The following GRIA4 variants were observed in gnomAD, a reference collection of about 807,000 sequenced individuals.
GRIA4 encodes the protein glutamate receptor 4.
GRIA4 carries 34 observed loss-of-function variants against 104.0 expected under a neutral mutation model. The observed-to-expected ratio is 0.33, with a 90% CI of 0.25 to 0.44. The LOEUF (loss-of-function observed/expected upper bound fraction) is 0.44, where lower values mean the gene tolerates loss of function less well. GRIA4 is among the 20% of genes least tolerant of loss of function. GRIA4 has a pLI of 1.00. For missense variants in GRIA4, 750 were observed against 1,096.5 expected (o/e 0.68, Z 4.46); for synonymous variants, 386 against 381.9 (o/e 1.01, Z -0.13).
chr11:105,920,186 G>C (rs1383428009), intron 11 of GRIA4, among the ~76,000 whole-genome samples: 1 of 152,012 alleles, frequency 6.6e-6, no homozygotes, highest in Non-Finnish European at 1.5e-5. Flanking sequence ...AAGAATTGCT[G>C]ACTGCTTAGG....
intron 3 of GRIA4, among the ~76,000 whole-genome samples, chr11:105,615,125 G>C (rs77698121): frequency 6.6e-6 from 1 of 151,844 alleles, no homozygotes; most frequent in Admixed American, 6.6e-5. Context: ...GATCTGATCT[G>C]TCTGTGAATA....
chr11:105,619,934 T>A (rs774755420), intron 3 of GRIA4, among the ~76,000 whole-genome samples: 1 of 151,910 alleles, frequency 6.6e-6, no homozygotes, highest in South Asian at 2.1e-4. Context: ...TTCCTTAACA[T>A]AGAAAATAAT....
Position 105,751,678 on chromosome 11 carries a change from G to C in GRIA4, c.248-1303G>C, listed in dbSNP as rs1940007832. Reference sequence around the variant, plus strand: ...TCTGAATACCTCCTTTCTTGGTTTTGAATCAACTGTAGTATTTTATTCACT... The same window carrying C: ...TCTGAATACCTCCTTTCTTGGTTTTCAATCAACTGTAGTATTTTATTCACT... On this transcript the variant is annotated intron_variant, in intron 3 of 16. Transcript: ENST00000282499. 3.9e-5 allele frequency among the ~76,000 whole-genome samples: 6 copies of C among 152,062 alleles called. No homozygotes were observed. In the South Asian group the frequency reaches 1.2e-3, roughly 32 times the overall value.
At chr11:105,815,066 G>A (rs1943323056) in intron 4 of GRIA4, among the ~76,000 whole-genome samples, 3 of 152,262 alleles carry the variant, frequency 2.0e-5, no homozygotes, top group African/African-American at 4.8e-5. Context: ...ATGCAGATAA[G>A]TTGAGTCTAG....
chr11:105,801,968 T>C (rs759189696), intron 4 of GRIA4, among the ~76,000 whole-genome samples: 1 of 152,066 alleles, frequency 6.6e-6, no homozygotes, highest in African/African-American at 2.4e-5. Context: ...AAGGCCAGCA[T>C]CTGGGATGCC....
chr11:105,731,488 A>G (rs573795755), intron 3 of GRIA4, among the ~76,000 whole-genome samples: 8 of 152,318 alleles, frequency 5.3e-5, no homozygotes, highest in African/African-American at 1.7e-4. Flanking sequence ...AGGAACTAGA[A>G]CTACAAATAC....
chr11:105,821,586 A>T (rs921606799), intron 4 of GRIA4, among the ~76,000 whole-genome samples: 1 of 151,992 alleles, frequency 6.6e-6, no homozygotes, highest in Non-Finnish European at 1.5e-5. Context: ...CCACCAGATC[A>T]TGTGAGAACT....
intron 3 of GRIA4, among the ~76,000 whole-genome samples, chr11:105,643,371 A>G (rs142851569): frequency 6.6e-6 from 1 of 152,136 alleles, no homozygotes; most frequent in East Asian, 1.9e-4. Context: ...ATTCCTTAAC[A>G]TTGTTTTACT....
Position 105,932,148 on chromosome 11 carries a change from C to CT in GRIA4, c.2047-1565dup, listed in dbSNP as rs562938424. 5.9e-3 allele frequency among the ~76,000 whole-genome samples: 878 copies of CT among 148,418 alleles called. 11 individuals carry two copies. The highest frequency in any genetic ancestry group is 0.021 in the African/African-American group (840 of 40,492). On this transcript the variant is annotated intron_variant, in intron 13 of 16. Transcript: ENST00000282499. ...ATTCAGGCTTTTCTTTTCTTTTTTTCTTTTTTTTTAGATGGAGTCTCACTT... is the reference window on the plus strand; with the variant it reads ...ATTCAGGCTTTTCTTTTCTTTTTTTCTTTTTTTTTTAGATGGAGTCTCACTT...
intron 3 of GRIA4, among the ~76,000 whole-genome samples, chr11:105,625,343 A>T (rs1950860123): frequency 6.6e-6 from 1 of 152,122 alleles, no homozygotes; most frequent in African/African-American, 2.4e-5. Context: ...TCTTGATTGG[A>T]TATCTATAAC....
chr11:105,912,383 A>G (rs1947276441), intron 10 of GRIA4: 1 of 966,330 alleles, frequency 1.0e-6, no homozygotes, highest in Non-Finnish European at 1.2e-6. Context: ...TCTCCTTTCC[A>G]TCCTTGTTAC....
intron 4 of GRIA4, among the ~76,000 whole-genome samples, chr11:105,849,084 C>T (rs968818756): frequency 2.3e-4 from 35 of 152,142 alleles, no homozygotes; most frequent in Admixed American, 2.6e-4. Context: ...CTCAGAAACT[C>T]AGAAGGCTGA....
chr11:105,902,994 C>T (rs1946913276), intron 7 of GRIA4, among the ~76,000 whole-genome samples: 1 of 152,102 alleles, frequency 6.6e-6, no homozygotes, highest in Non-Finnish European at 1.5e-5. Context: ...ATTTAGAAAA[C>T]TACATTTTTA....
At chr11:105,807,504 G>A (rs1469391820) in intron 4 of GRIA4, among the ~76,000 whole-genome samples, 1 of 151,818 alleles carries the variant, frequency 6.6e-6, no homozygotes, top group Non-Finnish European at 1.5e-5. Flanking sequence ...TACCTCTGAG[G>A]AATAAAAATT....
Position 105,980,122 on chromosome 11 carries a change from A to T in GRIA4, c.*383A>T, listed in dbSNP as rs1859199650. 6.0e-6 allele frequency: 1 copy of T among 165,868 alleles called. No homozygotes were observed. The highest frequency in any genetic ancestry group is 2.4e-5 in the African/African-American group (1 of 42,104). 10.3% of individuals were successfully genotyped at this position (165,868 alleles called of 1,614,324 possible). ...GGCCTTTGTCTTCACCGGAAAGGAT[A>T]AAATAGTTGTAGAAGTCCGTGAACA... On this transcript the variant is annotated 3_prime_UTR_variant, in exon 17 of 17. Transcript: ENST00000282499.
intron 3 of GRIA4, among the ~76,000 whole-genome samples, chr11:105,730,905 G>T (rs1938544528): frequency 1.3e-5 from 2 of 152,040 alleles, no homozygotes; most frequent in Non-Finnish European, 2.9e-5. Context: ...TTAAATGTAA[G>T]ACCTAAAACC....
intron 3 of GRIA4, among the ~76,000 whole-genome samples, chr11:105,651,156 A>G (rs1376780187): frequency 6.6e-6 from 1 of 152,188 alleles, no homozygotes; most frequent in African/African-American, 2.4e-5. Flanking sequence ...AAACTTCACA[A>G]AAGATGAATT....
At chr11:105,939,210 T>C (rs1429594406) in intron 14 of GRIA4, among the ~76,000 whole-genome samples, 1 of 152,204 alleles carries the variant, frequency 6.6e-6, no homozygotes, top group East Asian at 1.9e-4. Context: ...TTTTAAGTCG[T>C]TCATTCTTGA....
At chr11:105,800,700 A>G (rs1344980342) in intron 4 of GRIA4, among the ~76,000 whole-genome samples, 1 of 152,056 alleles carries the variant, frequency 6.6e-6, no homozygotes, top group Non-Finnish European at 1.5e-5. Context: ...TTCCATAGTA[A>G]GCAAACTGTC....
Sources: allele counts gnomAD v4.1 joint callset (sites outside exome capture counted in the v4.1 genomes callset), GRCh38; gene constraint gnomAD v4.1.1; transcripts MANE v1.5; gene names NCBI Gene and HGNC (gene_info 2026-07-23, HGNC 2026-07-21).